The following CTBP2 variants were observed in gnomAD, a reference collection of about 807,000 sequenced individuals.
The protein encoded by CTBP2 is C-terminal-binding protein 2.
In CTBP2, 30 loss-of-function variants were observed where a neutral mutation model predicts 80.3. That is an observed-to-expected ratio of 0.37 (90% CI 0.28 to 0.51). The LOEUF (loss-of-function observed/expected upper bound fraction) is 0.51. Ranked by LOEUF, CTBP2 falls within the 20% of genes least tolerant of loss-of-function variation. The probability of loss-of-function intolerance (pLI) is 0.93; values close to 1 mark genes in which losing one functional copy is unlikely to be tolerated. For synonymous variants in CTBP2, 594 were observed against 587.4 expected, an observed-to-expected ratio of 1.01 and a Z score of -0.16; for missense variants, 1,212 against 1,375.3, an observed-to-expected ratio of 0.88 and a Z score of 1.88.
chr10:125,056,181 A>G lies in CTBP2; in HGVS notation c.-101-17026T>C, dbSNP rs908308796. On this transcript the variant is annotated intron_variant, in intron 2 of 10. Coordinates refer to the CTBP2 transcript ENST00000337195. Reference sequence around the variant, plus strand: ...TTGTGTCTCAAAAATAAAAATAATAATAATAATAATAATAGTAATAATAAT... The same window carrying G: ...TTGTGTCTCAAAAATAAAAATAATAGTAATAATAATAATAGTAATAATAAT... 8.7e-5 allele frequency among the ~76,000 whole-genome samples: 13 copies of G among 149,880 alleles called. 1 individual carries two copies. Among genetic ancestry groups the G allele is most frequent in the African/African-American group, 3.2e-4 (13 of 40,976 alleles).
intron 1 of CTBP2, among the ~76,000 whole-genome samples, chr10:125,021,367 G>A (rs560437182): frequency 1.6e-4 from 25 of 152,316 alleles, no homozygotes; most frequent in Admixed American, 1.3e-3. Context: ...CAAAGCAGGT[G>A]GCACTCCTTC....
chr10:125,026,489 G>A lies in CTBP2; in HGVS notation c.1271C>T (p.Pro424Leu). The change falls in exon 1 of 9, where the codon CCT becomes CTT. Residue 424 changes from proline to leucine, a missense_variant. Physicochemically the swap from Pro to Leu is moderately conservative, Grantham distance 98 (BLOSUM62 -3). This residue lies in a region of CTBP2 where 848 missense variants were observed against 782.3 expected (regional missense o/e 1.08). Coordinates refer to ENST00000309035, the MANE Select transcript of CTBP2 (RefSeq NM_022802.3). ...GTGTGGGGCATGGGTGCCCACGCCA[G>A]GGGCAGAATAGGTGGCTGCCGTCTC... 1 of 1,601,418 alleles carries A rather than the reference G, an allele frequency of 6.2e-7. No individual in the cohort carries two copies.
At chr10:124,998,197 G>A (rs1953915238) in intron 3 of CTBP2, 27 bp from the exon 6 acceptor site, 1 of 1,578,348 alleles carries the variant, frequency 6.3e-7, no homozygotes, top group Non-Finnish European at 8.6e-7. Flanking sequence ...CAAGGCCGGA[G>A]ATGAGAAAAC....
At chr10:124,995,213 C>A (rs1174522954) in intron 4 of CTBP2, among the ~76,000 whole-genome samples, 2 of 152,240 alleles carry the variant, frequency 1.3e-5, no homozygotes, top group African/African-American at 4.8e-5. Flanking sequence ...AGACTGGCCA[C>A]ATGCTACTGT....
At chr10:125,068,351 G>C (rs183097264) in intron 2 of CTBP2, among the ~76,000 whole-genome samples, 1 of 152,352 alleles carries the variant, frequency 6.6e-6, no homozygotes, top group African/African-American at 2.4e-5. Flanking sequence ...TAGACAGGGA[G>C]TTATATAAAC....
chr10:125,022,845 G>A (rs1456975016), intron 1 of CTBP2, among the ~76,000 whole-genome samples: 5 of 152,256 alleles, frequency 3.3e-5, no homozygotes, highest in African/African-American at 9.6e-5. Context: ...TCTGCCCCAG[G>A]ACAGACCTCA....
chr10:125,069,336 G>A (rs1170945119), intron 2 of CTBP2, among the ~76,000 whole-genome samples: 2 of 152,226 alleles, frequency 1.3e-5, no homozygotes, highest in Non-Finnish European at 2.9e-5. Flanking sequence ...TACTGCCTAT[G>A]GCCAAGTGCG....
At chr10:125,106,037 C>T (rs1851398123) in intron 2 of CTBP2, among the ~76,000 whole-genome samples, 1 of 152,220 alleles carries the variant, frequency 6.6e-6, no homozygotes, top group Non-Finnish European at 1.5e-5. Context: ...AGAAATCAGC[C>T]GCTGACCCGT....
chr10:125,020,925 CT>C (rs1024530182), intron 1 of CTBP2, among the ~76,000 whole-genome samples: 1 of 152,208 alleles, frequency 6.6e-6, no homozygotes, highest in Admixed American at 6.5e-5. Context: ...GCCCACTAAG[CT>C]TTAACAAGAC....
chr10:125,002,726 A>T (rs969984148), intron 3 of CTBP2, among the ~76,000 whole-genome samples: 1 of 152,198 alleles, frequency 6.6e-6, no homozygotes, highest in African/African-American at 2.4e-5. Context: ...CTGAGGGCAG[A>T]GATGCCTCAC....
intron 4 of CTBP2, chr10:124,997,751 A>C: frequency 1.7e-6 from 1 of 592,184 alleles, no homozygotes; most frequent in Non-Finnish European, 3.0e-6. Context: ...GTGGACACGC[A>C]TTCTTCCAGA....
chr10:125,148,068 A>G (rs896453197), intron 1 of CTBP2, among the ~76,000 whole-genome samples: 1 of 152,324 alleles, frequency 6.6e-6, no homozygotes, highest in Admixed American at 6.5e-5. Context: ...AGAGAAGTCC[A>G]GCATTTCTTT....
At chr10:124,990,348 T>TA (rs1386844108) in intron 8 of CTBP2, among the ~76,000 whole-genome samples, 1 of 152,164 alleles carries the variant, frequency 6.6e-6, no homozygotes, top group Non-Finnish European at 1.5e-5. Flanking sequence ...CGGCCCTGGC[T>TA]AACGATTTTT....
chr10:124,993,181 C>T, intron 7 of CTBP2, 21 bp downstream of exon 9: 1 of 1,584,492 alleles, frequency 6.3e-7, no homozygotes, highest in Non-Finnish European at 8.6e-7. Context: ...CTTGGCAGGC[C>T]AGAGGCACGG....
chr10:125,145,121 A>C (rs1464670909), intron 1 of CTBP2, among the ~76,000 whole-genome samples: 1 of 152,202 alleles, frequency 6.6e-6, no homozygotes, highest in East Asian at 1.9e-4. Flanking sequence ...ATCTTCTTTC[A>C]ACCATTTTTC....
chr10:125,005,822 G>A (rs113240998), intron 1 of CTBP2: 22 of 1,605,820 alleles, frequency 1.4e-5, no homozygotes, highest in East Asian at 2.2e-5. Flanking sequence ...CCAGGCGGTC[G>A]CCCACACACA....
intron 1 of CTBP2, among the ~76,000 whole-genome samples, chr10:125,117,904 C>G (rs960064401): frequency 1.3e-5 from 2 of 152,174 alleles, no homozygotes; most frequent in Non-Finnish European, 2.9e-5. Flanking sequence ...CCCTGATGCC[C>G]AAGAGTCTCA....
intron 2 of CTBP2, among the ~76,000 whole-genome samples, chr10:125,083,208 C>T (rs1252327639): frequency 6.6e-6 from 1 of 152,208 alleles, no homozygotes; most frequent in Non-Finnish European, 1.5e-5. Flanking sequence ...ACACCAACAA[C>T]GTAAGACCAC....
chr10:125,019,278 C>T (rs773210226), intron 1 of CTBP2, among the ~76,000 whole-genome samples: 17 of 152,180 alleles, frequency 1.1e-4, no homozygotes, highest in Non-Finnish European at 2.4e-4. Flanking sequence ...TTCTACATCG[C>T]TAACGTGGGC....
Sources: gnomAD v4.1 joint callset for allele counts (sites outside exome capture counted in the v4.1 genomes callset) on GRCh38, gnomAD v4.1.1 for gene constraint, gnomAD v4.1.1 regional missense constraint, MANE v1.5 for transcripts, NCBI Gene and HGNC (gene_info 2026-07-23, HGNC 2026-07-21) for gene names.